The following GLI3 variants were observed in gnomAD, a reference collection of about 807,000 sequenced individuals.
GLI3 encodes the protein GLI family zinc finger 3.
Under a neutral mutation model 100.8 loss-of-function variants are expected in GLI3, and 20 were observed. The ratio of observed to expected loss-of-function variants is 0.20; its 90% CI spans 0.14 to 0.29. The LOEUF is 0.29. GLI3 is among the 10% of genes least tolerant of loss of function. The pLI, the probability that GLI3 is intolerant of heterozygous loss-of-function variation, is 1.00. For missense variants in GLI3, 2,040 were observed against 2,128.5 expected (o/e 0.96, Z 0.82); for synonymous variants, 938 against 860.5 (o/e 1.09, Z -1.58).
chr7:42,022,934 A>G (rs1250730729), intron 10 of GLI3, among the ~76,000 whole-genome samples: 1 of 152,188 alleles, frequency 6.6e-6, no homozygotes, highest in Middle Eastern at 3.2e-3. Context: ...AAACACTTAC[A>G]ACTTTTTCCA....
chr7:42,076,760 T>A lies in GLI3; in HGVS notation c.465A>T (p.Pro155=). ...AAAGTGTTAATACTTACATATGCAATGGAGGAATCGGAGATGGATCGTAAT... is the reference window on the plus strand; with the variant it reads ...AAAGTGTTAATACTTACATATGCAAAGGAGGAATCGGAGATGGATCGTAAT... ...RYHYDPSPIP[P]LHMTSALSSS... is the part of the protein sequence containing the mutation. The change falls in exon 4 of 15, where the codon CCA becomes CCT. Residue 155 remains proline, a synonymous_variant. Coordinates refer to ENST00000395925, the MANE Select transcript of GLI3 (RefSeq NM_000168.6). The A allele has an allele frequency of 6.3e-7, 1 of 1,577,958 alleles. No individual in the cohort carries two copies. The highest frequency in any genetic ancestry group is 2.2e-5 in the East Asian group (1 of 44,726).
intron 2 of GLI3, among the ~76,000 whole-genome samples, chr7:42,183,606 G>C (rs1346821508): frequency 1.3e-5 from 2 of 152,148 alleles, no homozygotes; most frequent in Non-Finnish European, 2.9e-5. Context: ...GTCACTGAAG[G>C]ACCTGTGACA....
At chr7:41,967,528 G>A in intron 14 of GLI3, 68 bp downstream of exon 14, 1 of 1,058,674 alleles carries the variant, frequency 9.4e-7, no homozygotes, top group East Asian at 2.4e-5. Context: ...ACATAAAACT[G>A]AGGGCCTGCA....
intron 3 of GLI3, among the ~76,000 whole-genome samples, chr7:42,132,843 G>C (rs185875004): frequency 6.6e-6 from 1 of 151,858 alleles, no homozygotes; most frequent in Non-Finnish European, 1.5e-5. Flanking sequence ...ATTTAGCAGA[G>C]CATCATCTTA....
chr7:42,145,929 T>A lies in GLI3; in HGVS notation c.367+2297A>T, dbSNP rs141847354. On this transcript the variant is annotated intron_variant, in intron 3 of 14. Transcript: ENST00000395925. ...ACCCTATCCCACAGTGAGGAAAGGA[T>A]TCCTAGAGGGATCAGCACACTTGTC... is the stretch of plus-strand genomic sequence containing the variant. Among the ~76,000 whole-genome samples, 66 of 152,280 alleles carry A rather than the reference T, an allele frequency of 4.3e-4. 1 individual carries two copies. The East Asian group carries it at 0.012, about 28-fold the overall frequency.
intron 2 of GLI3, among the ~76,000 whole-genome samples, chr7:42,152,736 C>T (rs906942583): frequency 3.3e-5 from 5 of 152,210 alleles, no homozygotes; most frequent in African/African-American, 1.2e-4. Flanking sequence ...GCAAGGTCAA[C>T]AGCAGCTTCA....
intron 2 of GLI3, among the ~76,000 whole-genome samples, chr7:42,174,421 T>C (rs1406950788): frequency 6.6e-6 from 1 of 152,214 alleles, no homozygotes; most frequent in Non-Finnish European, 1.5e-5. Context: ...TCAAAACTTC[T>C]TCCAACTGAA....
chr7:42,006,677 C>G (rs1352109004), intron 10 of GLI3, among the ~76,000 whole-genome samples: 1 of 152,124 alleles, frequency 6.6e-6, no homozygotes, highest in Non-Finnish European at 1.5e-5. Flanking sequence ...ATTCCCAAGT[C>G]AGGAATGTGC....
At chr7:42,189,567 A>G (rs1386822123) in intron 2 of GLI3, among the ~76,000 whole-genome samples, 1 of 152,238 alleles carries the variant, frequency 6.6e-6, no homozygotes, top group East Asian at 1.9e-4. Context: ...AAGAAATAAA[A>G]TATGGAAGGT....
chr7:42,007,090 G>A (rs939881749), intron 10 of GLI3, among the ~76,000 whole-genome samples: 5 of 151,824 alleles, frequency 3.3e-5, no homozygotes, highest in South Asian at 2.1e-4. Flanking sequence ...TTCTTAACTC[G>A]AAATTCTTGA....
intron 3 of GLI3, among the ~76,000 whole-genome samples, chr7:42,101,623 G>A (rs1410395080): frequency 4.0e-5 from 6 of 151,504 alleles, no homozygotes. Flanking sequence ...TTTTTTAAAT[G>A]TATAATTGCT....
intron 12 of GLI3, among the ~76,000 whole-genome samples, chr7:41,976,169 T>C (rs1189154475): frequency 3.9e-5 from 6 of 152,152 alleles, no homozygotes; most frequent in African/African-American, 1.2e-4. Context: ...TATTCTAGAC[T>C]CCCTAAAATT....
chr7:42,073,652 C>T (rs1445599337), intron 4 of GLI3, among the ~76,000 whole-genome samples: 3 of 152,100 alleles, frequency 2.0e-5, no homozygotes, highest in African/African-American at 4.8e-5. Context: ...ATTATAGAAG[C>T]GCCTGCCCTT....
chr7:42,162,695 A>T (rs1240563577), intron 2 of GLI3, among the ~76,000 whole-genome samples: 1 of 152,176 alleles, frequency 6.6e-6, no homozygotes, highest in Non-Finnish European at 1.5e-5. Flanking sequence ...TGTAGACAAA[A>T]ATAAAAATCT....
chr7:42,079,124 A>G (rs1583537856), intron 3 of GLI3, among the ~76,000 whole-genome samples: 1 of 152,286 alleles, frequency 6.6e-6, no homozygotes, highest in East Asian at 1.9e-4. Flanking sequence ...GGGTGTAGGT[A>G]TTATTATTTG....
chr7:42,216,207 T>C (rs1295116471), intron 2 of GLI3, among the ~76,000 whole-genome samples: 1 of 152,186 alleles, frequency 6.6e-6, no homozygotes, highest in Non-Finnish European at 1.5e-5. Context: ...TGTTGTAATT[T>C]GCAGGTTTAT....
At chr7:42,160,385 G>A (rs1374537933) in intron 2 of GLI3, among the ~76,000 whole-genome samples, 2 of 152,192 alleles carry the variant, frequency 1.3e-5, no homozygotes, top group Admixed American at 1.3e-4. Context: ...TACATAATGA[G>A]ATATCTTGGG....
At chr7:42,085,818 C>T (rs1021921165) in intron 3 of GLI3, among the ~76,000 whole-genome samples, 2 of 152,206 alleles carry the variant, frequency 1.3e-5, no homozygotes, top group African/African-American at 4.8e-5. Flanking sequence ...TTACCCTTGT[C>T]TTCACAGTTG....
chr7:42,238,150 G>A (rs1218100982), upstream of GLI3, among the ~76,000 whole-genome samples: 1 of 150,748 alleles, frequency 6.6e-6, no homozygotes, highest in Non-Finnish European at 1.5e-5. Context: ...CCCACCCGGC[G>A]AGGGGAAGGG....
Sources: gnomAD v4.1 joint callset for allele counts (sites outside exome capture counted in the v4.1 genomes callset) on GRCh38, gnomAD v4.1.1 for gene constraint, MANE v1.5 for transcripts, NCBI Gene and HGNC (gene_info 2026-07-23, HGNC 2026-07-21) for gene names.